The following N4BP2 variants were observed in gnomAD, a reference collection of about 807,000 sequenced individuals.
The protein encoded by N4BP2 is NEDD4-binding protein 2.
A neutral mutation model predicts 152.8 loss-of-function variants in N4BP2; 91 were observed. The observed-to-expected ratio is 0.60, with a 90% confidence interval of 0.50 to 0.71. N4BP2 has a LOEUF of 0.71. Ranked by LOEUF, N4BP2 falls within the 30% of genes least tolerant of loss-of-function variation. The pLI is 0.00. For synonymous variants in N4BP2, 646 were observed against 705.3 expected, an observed-to-expected ratio of 0.92 and a Z score of 1.33; for missense variants, 1,923 against 2,059.1, an observed-to-expected ratio of 0.93 and a Z score of 1.28.
At chr4:40,103,483 T>C (rs934407058) in intron 4 of N4BP2, among the ~76,000 whole-genome samples, 2 of 152,204 alleles carry the variant, frequency 1.3e-5, no homozygotes, top group African/African-American at 4.8e-5. Flanking sequence ...ATTGATGTAG[T>C]AGTAGAAGAG....
the N4BP2 span, among the ~76,000 whole-genome samples, chr4:40,189,841 A>G: frequency 2.1e-3 from 317 of 152,152 alleles, no homozygotes; most frequent in Non-Finnish European, 3.6e-3. The surrounding 1 kb of genome is among the most constrained non-coding windows in gnomAD (Gnocchi z 4.3). Flanking sequence ...GTGAGCAGAG[A>G]TTGTGCTGCT....
At chr4:40,106,154 G>A (rs1224247241) in intron 4 of N4BP2, among the ~76,000 whole-genome samples, 2 of 152,080 alleles carry the variant, frequency 1.3e-5, no homozygotes, top group Non-Finnish European at 2.9e-5. Context: ...TATAGTTAAG[G>A]ATAAAAGGTC....
chr4:40,188,684 G>C, the N4BP2 span, among the ~76,000 whole-genome samples: 1 of 147,298 alleles, frequency 6.8e-6, no homozygotes, highest in Non-Finnish European at 1.5e-5. Flanking sequence ...GGCGCAGGTT[G>C]CAATGAGCTG....
the N4BP2 span, among the ~76,000 whole-genome samples, chr4:40,163,782 A>T: frequency 6.6e-6 from 1 of 152,238 alleles, no homozygotes; most frequent in South Asian, 2.1e-4. Context: ...TATGAGAGAC[A>T]ATAAGCTGCC....
the N4BP2 span, among the ~76,000 whole-genome samples, chr4:40,189,110 C>T: frequency 6.6e-6 from 1 of 152,080 alleles, no homozygotes; most frequent in Admixed American, 6.5e-5. The surrounding 1 kb of genome is among the most constrained non-coding windows in gnomAD (Gnocchi z 4.3). Flanking sequence ...TGCGCCACTG[C>T]ACTCCAGCCT....
the N4BP2 span, among the ~76,000 whole-genome samples, chr4:40,190,190 G>T: frequency 6.6e-6 from 1 of 152,184 alleles, no homozygotes; most frequent in Admixed American, 6.5e-5. Flanking sequence ...AGGCGAGCAG[G>T]CTATTTCTGT....
At chr4:40,086,878 G>T (rs530897087) in intron 2 of N4BP2, among the ~76,000 whole-genome samples, 20 of 152,136 alleles carry the variant, frequency 1.3e-4, no homozygotes, top group Admixed American at 1.2e-3. Flanking sequence ...CTCCTGAGTA[G>T]CTGGGACCAC....
At chr4:40,100,429 C>T (rs747626790) in intron 3 of N4BP2, among the ~76,000 whole-genome samples, 1 of 145,362 alleles carries the variant, frequency 6.9e-6, no homozygotes, top group Non-Finnish European at 1.5e-5. Flanking sequence ...CAGGCTGGAG[C>T]GCAGTAATCA....
At chr4:40,074,890 C>G (rs974846965) in intron 2 of N4BP2, among the ~76,000 whole-genome samples, 3 of 151,944 alleles carry the variant, frequency 2.0e-5, no homozygotes, top group Non-Finnish European at 4.4e-5. Context: ...ACCTATAATC[C>G]CAGCTACTTG....
intron 1 of N4BP2, among the ~76,000 whole-genome samples, chr4:40,060,262 T>C (rs1433683446): frequency 6.6e-6 from 1 of 152,186 alleles, no homozygotes; most frequent in Non-Finnish European, 1.5e-5. Flanking sequence ...TTATTTTTTT[T>C]GAGATGGAGT....
chr4:40,140,053 A>C (rs796883834), intron 14 of N4BP2, among the ~76,000 whole-genome samples: 1 of 152,060 alleles, frequency 6.6e-6, no homozygotes, highest in African/African-American at 2.4e-5. Context: ...TGGCCTCCCA[A>C]AGTGCTGGGA....
At chr4:40,062,078 CTTTT>C (rs71194968) in intron 1 of N4BP2, among the ~76,000 whole-genome samples, 1 of 132,384 alleles carries the variant, frequency 7.6e-6, no homozygotes, top group Non-Finnish European at 1.5e-5. Flanking sequence ...TTTTTGGTTA[CTTTT>C]TTTTTTTTTT....
intron 2 of N4BP2, among the ~76,000 whole-genome samples, chr4:40,095,308 T>A (rs907355360): frequency 1.3e-5 from 2 of 152,162 alleles, no homozygotes; most frequent in African/African-American, 4.8e-5. Context: ...CTCAAACTCC[T>A]GACCTCAGGT....
intron 5 of N4BP2, 77 bp downstream of exon 5, chr4:40,107,101 GT>G (rs1055289606): frequency 1.3e-6 from 2 of 1,499,852 alleles, no homozygotes; most frequent in Admixed American, 3.7e-5. Context: ...TTGTTTGTGT[GT>G]TTGTTTTTGT....
Position 40,120,596 on chromosome 4 carries a change from A to G in N4BP2, c.2485A>G (p.Asn829Asp), listed in dbSNP as rs138784643. Residue 829 changes from asparagine (N) to aspartate (D), a missense_variant, in exon 9 of 18, where the codon AAC (asparagine) becomes GAC (aspartate). Asn to Asp is a conservative substitution (Grantham distance 23). Transcript: ENST00000261435. ...YNYPQSHKLV[N>D]SVSVNTDCVQ... ...TTACCCTCAGTCACACAAATTAGTT[A>G]ACAGTGTATCTGTGAATACAGATTG... 4 of 1,614,060 alleles carry G rather than the reference A, an allele frequency of 2.5e-6. No homozygotes were observed. In the African/African-American group the frequency reaches 5.3e-5, roughly 22 times the overall value.
rs1472713728 is a variant in N4BP2 at position 40,077,022 on chromosome 4, GA to G, written c.-115+3472del. The stretch of plus-strand genomic sequence containing the variant: ...CTTCCCTATATATTACATATAGAGA[GA>G]TTTTTTTTGTTTGTTTCTTTTTTGA... On this transcript the variant is annotated intron_variant, in intron 2 of 17. Transcript: ENST00000261435. Among the ~76,000 whole-genome samples, 4 of 151,990 alleles carry G rather than the reference GA, an allele frequency of 2.6e-5. No individual in the cohort carries two copies. In the East Asian group the frequency reaches 7.7e-4, roughly 29 times the overall value.
At chr4:40,144,539 TCCCCC>T in intron 15 of N4BP2, 88 bp from the exon 16 acceptor site, 5 of 979,218 alleles carry the variant, frequency 5.1e-6, no homozygotes, top group African/African-American at 3.3e-5. Context: ...ATTCCCTTTT[TCCCCC>T]TTCCTTTTAT....
intron 2 of N4BP2, among the ~76,000 whole-genome samples, chr4:40,078,769 T>C (rs1199154510): frequency 6.6e-6 from 1 of 151,012 alleles, no homozygotes; most frequent in Non-Finnish European, 1.5e-5. Context: ...GTCAAGCAGT[T>C]CGCCCACTGT....
chr4:40,175,762 A>T, the N4BP2 span, among the ~76,000 whole-genome samples: 2 of 133,120 alleles, frequency 1.5e-5, no homozygotes, highest in African/African-American at 5.8e-5. Context: ...GTGAGCCGAG[A>T]TTGCGCCCCT....
Sources: allele counts gnomAD v4.1 joint callset (sites outside exome capture counted in the v4.1 genomes callset), GRCh38; gene constraint gnomAD v4.1.1; non-coding constraint Gnocchi (gnomAD v3.1); transcripts MANE v1.5; gene names NCBI Gene and HGNC (gene_info 2026-07-23, HGNC 2026-07-21).